DMD: variants seen among roughly 807,000 people sequenced by gnomAD.
The protein encoded by DMD is dystrophin.
DMD carries 63 observed loss-of-function variants against 330.1 expected under a neutral mutation model. The observed-to-expected ratio is 0.19, with a 90% CI of 0.16 to 0.24. DMD has a LOEUF of 0.24. Among genes scored for constraint, DMD ranks in the 10% least tolerant of loss-of-function variants. DMD has a pLI of 1.00. For missense variants in DMD, 3,344 were observed against 2,684.1 expected (o/e 1.25, Z -5.43); for synonymous variants, 1,223 against 959.8 (o/e 1.27, Z -5.07).
chrX:32,603,268 T>A lies in DMD; in HGVS notation c.1483-7392A>T, dbSNP rs369220974. Among the ~76,000 whole-genome samples the A allele has an allele frequency of 3.6e-5, 4 of 111,384 alleles. No homozygotes were observed. The East Asian group carries it at 8.5e-4, about 24-fold the overall frequency. On this transcript the variant is annotated intron_variant, in intron 12 of 78. Coordinates refer to ENST00000357033, the MANE Select transcript of DMD (RefSeq NM_004006.3). ...TTAAACAACCTGCTCCTGAATGATC[T>A]TTGGACAATGAAATCAAGGAAGAAA... is the stretch of plus-strand genomic sequence containing the variant.
intron 44 of DMD, among the ~76,000 whole-genome samples, chrX:32,133,962 T>C (rs1399825137): frequency 1.8e-5 from 2 of 111,536 alleles, no homozygotes; most frequent in African/African-American, 6.5e-5. Flanking sequence ...CATTGACTGT[T>C]TACTGAACCC....
intron 17 of DMD, among the ~76,000 whole-genome samples, chrX:32,540,175 T>C (rs2048360040): frequency 9.0e-6 from 1 of 111,266 alleles, no homozygotes; most frequent in African/African-American, 3.3e-5. Context: ...ATAGATCTAG[T>C]TTTACCCTAG....
At chrX:32,370,231 T>A (rs980190962) in intron 34 of DMD, among the ~76,000 whole-genome samples, 4 of 109,359 alleles carry the variant, frequency 3.7e-5, no homozygotes, top group Admixed American at 2.9e-4. Context: ...TTTTTTTTTT[T>A]TTTTTAAATT....
At position 32,818,716 on chromosome X, in the gene DMD, T is replaced by C. The variant is rs1028178108; in HGVS notation, c.358-2076A>G. Among the ~76,000 whole-genome samples, 5 of 111,256 alleles carry C rather than the reference T, an allele frequency of 4.5e-5. No homozygotes were observed. The South Asian group carries it at 1.2e-3, about 26-fold the overall frequency. ...GATTGACCTTCAAGGAAGGGCTTGTTGCTCCAGCTGTGGTCAGGCAGCTTC... is the reference window on the plus strand; with the variant it reads ...GATTGACCTTCAAGGAAGGGCTTGTCGCTCCAGCTGTGGTCAGGCAGCTTC... On this transcript the variant is annotated intron_variant, in intron 5 of 78. Coordinates refer to ENST00000357033, the MANE Select transcript of DMD (RefSeq NM_004006.3).
At position 32,900,921 on chromosome X, in the gene DMD, T is replaced by C. The variant is rs757382938; in HGVS notation, c.94-51101A>G. ...ATATTGTATTATTATTTATTAAGAA[T>C]TACTCGAATAAGCCAAAATGATGAA... On this transcript the variant is annotated intron_variant, in intron 2 of 78. Transcript: ENST00000357033. Among the ~76,000 whole-genome samples the C allele has an allele frequency of 3.6e-5, 4 of 111,050 alleles. No homozygotes were observed. In the South Asian group the frequency reaches 1.5e-3, roughly 42 times the overall value.
At chrX:32,409,421 GTATT>G (rs2098132821) in intron 30 of DMD, among the ~76,000 whole-genome samples, 1 of 111,096 alleles carries the variant, frequency 9.0e-6, no homozygotes, top group Admixed American at 9.6e-5. Context: ...TTTTATTGTA[GTATT>G]TTTTTAGAAA....
chrX:32,466,166 T>C (rs2040006352), intron 23 of DMD, among the ~76,000 whole-genome samples: 1 of 111,392 alleles, frequency 9.0e-6, no homozygotes, highest in African/African-American at 3.3e-5. Flanking sequence ...ACATTCACTG[T>C]CTACTCTCAA....
chrX:33,314,929 C>T (rs2053912004), intron 1 of DMD, among the ~76,000 whole-genome samples: 1 of 111,011 alleles, frequency 9.0e-6, no homozygotes, highest in African/African-American at 3.3e-5. Context: ...AGCAATTCTC[C>T]TGCCTCAGCC....
chrX:32,084,831 G>C (rs1483743027), intron 44 of DMD, among the ~76,000 whole-genome samples: 1 of 111,111 alleles, frequency 9.0e-6, no homozygotes, highest in East Asian at 2.9e-4. Flanking sequence ...CTCGGAAGGC[G>C]GGGAATTAAT....
At chrX:32,572,845 A>C (rs1337814236) in intron 15 of DMD, among the ~76,000 whole-genome samples, 1 of 111,240 alleles carries the variant, frequency 9.0e-6, no homozygotes, top group Non-Finnish European at 1.9e-5. Flanking sequence ...GGCTTAGCAC[A>C]ATCCCTTTCA....
chrX:31,532,026 G>A (rs1377169610), intron 55 of DMD, among the ~76,000 whole-genome samples: 1 of 84,228 alleles, frequency 1.2e-5, no homozygotes, highest in Non-Finnish European at 2.2e-5. Context: ...ACCTGAAAGT[G>A]ATGTGGAGAA....
At chrX:31,949,220 A>G (rs1286190325) in intron 45 of DMD, among the ~76,000 whole-genome samples, 1 of 111,548 alleles carries the variant, frequency 9.0e-6, no homozygotes, top group Non-Finnish European at 1.9e-5. Context: ...TGGAGATTGC[A>G]TTAAATCTAT....
intron 33 of DMD, among the ~76,000 whole-genome samples, chrX:32,383,536 T>C (rs909568770): frequency 1.8e-5 from 2 of 111,433 alleles, no homozygotes; most frequent in Non-Finnish European, 3.8e-5. Context: ...ACAGCATTTT[T>C]ATAAGATGGT....
chrX:31,183,277 TA>T (rs1186340274), intron 67 of DMD, among the ~76,000 whole-genome samples: 2 of 109,005 alleles, frequency 1.8e-5, no homozygotes, highest in African/African-American at 6.7e-5. Context: ...TGTTTACTGA[TA>T]AAATTTCAAA....
At chrX:32,784,558 G>A (rs909836552) in intron 7 of DMD, among the ~76,000 whole-genome samples, 3 of 111,666 alleles carry the variant, frequency 2.7e-5, no homozygotes, top group African/African-American at 9.7e-5. Context: ...AATAGTGGTG[G>A]ACTTTATCAC....
chrX:33,132,478 T>G (rs1456969105), intron 1 of DMD, among the ~76,000 whole-genome samples: 1 of 112,149 alleles, frequency 8.9e-6, no homozygotes, highest in African/African-American at 3.2e-5. Context: ...CTTTCAAAAT[T>G]GGCTATTCTG....
rs190685524 is a variant in DMD, at chrX:32,632,150, G to A, written c.1331+11982C>T. Among the ~76,000 whole-genome samples, 967 of 112,099 alleles carry A rather than the reference G, an allele frequency of 8.6e-3. 9 individuals are homozygous for A. Among genetic ancestry groups the A allele is most frequent in the African/African-American group, 0.03 (915 of 30,854 alleles). The stretch of plus-strand genomic sequence containing the variant: ...TCCAAAAGGGTGAAATTGGTCAAAA[G>A]AAAGGTCTCATGCAAGTCTGAAACC... On this transcript the variant is annotated intron_variant, in intron 11 of 78. Transcript: ENST00000357033.
chrX:32,845,722 C>CA (rs2080593732), intron 3 of DMD, among the ~76,000 whole-genome samples: 1 of 112,021 alleles, frequency 8.9e-6, no homozygotes, highest in Non-Finnish European at 1.9e-5. Context: ...GCAAGAGCTA[C>CA]AAAGCTGACT....
chrX:31,340,005 G>C (rs1411290682), intron 61 of DMD, among the ~76,000 whole-genome samples: 1 of 112,671 alleles, frequency 8.9e-6, no homozygotes, highest in East Asian at 2.8e-4. Flanking sequence ...GCAATTATTA[G>C]ATGTGCTTAA....
Sources: allele counts gnomAD v4.1 joint callset (sites outside exome capture counted in the v4.1 genomes callset), GRCh38; gene constraint gnomAD v4.1.1; transcripts MANE v1.5; gene names NCBI Gene and HGNC (gene_info 2026-07-23, HGNC 2026-07-21).